Variants in CDH9 observed in about 807,000 individuals in gnomAD.
CDH9 encodes the protein cadherin 9, also known as cadherin-9.
In CDH9, 28 loss-of-function variants were observed where a neutral mutation model predicts 70.9. The observed-to-expected ratio is 0.40, with a 90% CI of 0.29 to 0.54. The LOEUF is 0.54. Ranked by LOEUF, CDH9 falls within the 20% of genes least tolerant of loss-of-function variation. The pLI is 0.59. For synonymous variants in CDH9, 409 were observed against 343.1 expected (o/e 1.19, Z -2.12); for missense variants, 874 against 984.4 (o/e 0.89, Z 1.50).
At chr5:26,947,448 C>T (rs1017563655) in intron 2 of CDH9, among the ~76,000 whole-genome samples, 5 of 152,074 alleles carry the variant, frequency 3.3e-5, no homozygotes, top group Admixed American at 6.5e-5. Flanking sequence ...ACATACAGTC[C>T]GCAGTTTTGA....
rs569797251 is a variant in CDH9, at chr5:26,950,199, A to G, written c.229-34275T>C. Among the ~76,000 whole-genome samples the G allele has an allele frequency of 2.0e-5, 3 of 152,332 alleles. No homozygotes were observed. In the South Asian group the frequency reaches 6.2e-4, roughly 32 times the overall value. ...AAGTAAGACACTCACACTGGAAGCT[A>G]GTGTTCTACAATGTTTCCTGTGACA... is the stretch of plus-strand genomic sequence containing the variant. On this transcript the variant is annotated intron_variant, in intron 2 of 11. Transcript: ENST00000231021.
chr5:27,001,662 TG>T (rs1470556593), intron 1 of CDH9, among the ~76,000 whole-genome samples: 2 of 152,138 alleles, frequency 1.3e-5, no homozygotes, highest in Non-Finnish European at 2.9e-5. Flanking sequence ...CTAAAAGCAA[TG>T]TCATCCAGTA....
chr5:26,955,700 G>T (rs188205645), intron 2 of CDH9, among the ~76,000 whole-genome samples: 3 of 152,094 alleles, frequency 2.0e-5, no homozygotes, highest in African/African-American at 7.2e-5. Flanking sequence ...CGGGATTTAG[G>T]ACATGGGCGT....
intron 3 of CDH9, among the ~76,000 whole-genome samples, chr5:26,913,757 TTGTGTGTGTGTG>T (rs5866811): frequency 2.1e-5 from 3 of 145,446 alleles, no homozygotes; most frequent in East Asian, 2.0e-4. Flanking sequence ...ACATATATGT[TTGTGTGTGTGTG>T]TGTGTGTGTG....
rs1658630617 is a variant in CDH9 at position 26,885,599 on chromosome 5, A to T, written c.1882+15T>A. 6.2e-7 allele frequency: 1 copy of T among 1,609,776 alleles called. No homozygotes were observed. Among genetic ancestry groups the T allele is most frequent in the East Asian group, 2.2e-5 (1 of 44,832 alleles). The stretch of plus-strand genomic sequence containing the variant: ...TTTTGTGAGTTAAAGGATCATTCAG[A>T]GGGGCAGAGCTTACTAAGCAGTATG... On this transcript the variant is annotated intron_variant, in intron 11 of 11. Coordinates refer to ENST00000231021, the MANE Select transcript of CDH9 (RefSeq NM_016279.4).
intron 2 of CDH9, among the ~76,000 whole-genome samples, chr5:26,933,770 C>G (rs1264337919): frequency 6.7e-6 from 1 of 149,450 alleles, no homozygotes; most frequent in South Asian, 2.1e-4. Context: ...CAGAGCAAGA[C>G]TCCGTCAAAA....
At chr5:26,953,134 T>G (rs754641483) in intron 2 of CDH9, among the ~76,000 whole-genome samples, 27 of 152,132 alleles carry the variant, frequency 1.8e-4, no homozygotes, top group Non-Finnish European at 3.1e-4. Flanking sequence ...CTATCTTGTA[T>G]TGTAAAATAT....
chr5:26,884,551 T>G (rs1285662572), intron 11 of CDH9, among the ~76,000 whole-genome samples: 3 of 152,150 alleles, frequency 2.0e-5, no homozygotes, highest in Non-Finnish European at 4.4e-5. Flanking sequence ...ATGGTAGCAG[T>G]GTGTTTGTTC....
At chr5:27,037,434 T>C (rs1297609676) in intron 1 of CDH9, among the ~76,000 whole-genome samples, 1 of 151,984 alleles carries the variant, frequency 6.6e-6, no homozygotes, top group African/African-American at 2.4e-5. Flanking sequence ...CAAATAAATG[T>C]AAACTTATCT....
At chr5:26,932,647 T>C (rs1193862273) in intron 2 of CDH9, among the ~76,000 whole-genome samples, 2 of 152,108 alleles carry the variant, frequency 1.3e-5, no homozygotes, top group African/African-American at 2.4e-5. Context: ...TTTGACTTTA[T>C]ATTTAAAGCG....
chr5:27,025,492 G>T (rs559617151), intron 1 of CDH9, among the ~76,000 whole-genome samples: 1 of 151,884 alleles, frequency 6.6e-6, no homozygotes, highest in Non-Finnish European at 1.5e-5. Context: ...ATCATCAAAA[G>T]AATAAGTCAA....
chr5:26,902,443 T>C (rs756780128), intron 7 of CDH9, 33 bp downstream of exon 7: 2 of 1,478,168 alleles, frequency 1.4e-6, no homozygotes, highest in Non-Finnish European at 1.9e-6. Flanking sequence ...ATTATATTTC[T>C]AAAAACATAA....
chr5:26,893,977 A>G (rs150210380), intron 7 of CDH9, among the ~76,000 whole-genome samples: 389 of 152,290 alleles, frequency 2.6e-3, no homozygotes, highest in African/African-American at 9.3e-3. Flanking sequence ...TTTGAGAGAA[A>G]AGCAAATAAA....
At chr5:26,954,388 C>CTTTTTTTTTTTTT (rs59882843) in intron 2 of CDH9, among the ~76,000 whole-genome samples, 3,320 of 92,700 alleles carry the variant, frequency 0.036, 198 homozygotes, top group Non-Finnish European at 0.041. Context: ...TACAGCCTTT[C>CTTTTTTTTTTTTT]TTTTTTTTTT....
At position 27,019,767 on chromosome 5, in the gene CDH9, G is replaced by A. The variant is rs1027531538; in HGVS notation, c.-50+18696C>T. 9.9e-5 allele frequency among the ~76,000 whole-genome samples: 15 copies of A among 151,566 alleles called. No individual in the cohort carries two copies. The South Asian group carries it at 1.9e-3, about 19-fold the overall frequency. ...AAAGAGAGTTTTAAATTTACTCGTC[G>A]GAAACAATAATCTTATATATCCTTT... On this transcript the variant is annotated intron_variant, in intron 1 of 11. Coordinates refer to ENST00000231021, the MANE Select transcript of CDH9 (RefSeq NM_016279.4).
chr5:26,902,610 A>G lies in CDH9; in HGVS notation c.1119T>C (p.Ser373=). ...PFKDTAVVKI[S]VEDIDEPPVF... ...CAGGAGGCTCATCTATATCTTCCAC[A>G]GATATTTTGACCACAGCTGTATCTT... Residue 373 remains serine, a synonymous_variant, in exon 7 of 12, where the codon TCT becomes TCC. Transcript: ENST00000231021. 1 of 1,604,854 alleles carries G rather than the reference A, an allele frequency of 6.2e-7. No homozygotes were observed. Among genetic ancestry groups the G allele is most frequent in the South Asian group, 1.1e-5 (1 of 90,896 alleles).
chr5:27,034,580 TAC>T (rs138233111), intron 1 of CDH9, among the ~76,000 whole-genome samples: 3,533 of 149,812 alleles, frequency 0.024, 153 homozygotes, highest in African/African-American at 0.082. Context: ...ATCTCTCTCT[TAC>T]ACACACACAC....
intron 11 of CDH9, 33 bp downstream of exon 11, chr5:26,885,581 A>C (rs760652565): frequency 2.5e-6 from 4 of 1,590,486 alleles, no homozygotes. Context: ...GATTTTTGTG[A>C]GTTAAAGGAT....
chr5:26,953,281 T>A (rs1210119922), intron 2 of CDH9, among the ~76,000 whole-genome samples: 1 of 152,236 alleles, frequency 6.6e-6, no homozygotes, highest in Admixed American at 6.5e-5. Context: ...TATTATTCTA[T>A]TAAATATTTC....
Sources: gnomAD v4.1 joint callset for allele counts (sites outside exome capture counted in the v4.1 genomes callset) on GRCh38, gnomAD v4.1.1 for gene constraint, MANE v1.5 for transcripts, NCBI Gene and HGNC (gene_info 2026-07-23, HGNC 2026-07-21) for gene names.